Variants in CARMIL3 observed in about 807,000 individuals in gnomAD.
The protein encoded by CARMIL3 is capping protein, Arp2/3 and myosin-I linker protein 3.
Under a neutral mutation model 180.8 loss-of-function variants are expected in CARMIL3, and 88 were observed. That is an observed-to-expected ratio of 0.49 (90% CI 0.41 to 0.58). The LOEUF is 0.58. Among genes scored for constraint, CARMIL3 ranks in the 20% least tolerant of loss-of-function variants. CARMIL3 has a pLI of 0.00. For missense variants in CARMIL3, 1,548 were observed against 1,787.0 expected, an observed-to-expected ratio of 0.87 and a Z score of 2.41; for synonymous variants, 696 against 714.5, an observed-to-expected ratio of 0.97 and a Z score of 0.41.
At chr14:24,062,893 C>T in intron 29 of CARMIL3, 47 bp downstream of exon 29, 2 of 1,572,026 alleles carry the variant, frequency 1.3e-6, no homozygotes, top group Non-Finnish European at 1.7e-6. Flanking sequence ...GGGCCCTGCC[C>T]TTAAACCTGC....
At chr14:24,062,175 A>G (rs1309794801) in intron 27 of CARMIL3, 7 of 481,672 alleles carry the variant, frequency 1.5e-5, no homozygotes, top group East Asian at 1.1e-4. Context: ...CAGCACCCCA[A>G]TTACCTAGCT....
At chr14:24,053,357 A>G (rs931119103) in intron 1 of CARMIL3, among the ~76,000 whole-genome samples, 10 of 152,018 alleles carry the variant, frequency 6.6e-5, no homozygotes, top group African/African-American at 2.4e-4. Context: ...CTCACTTTGT[A>G]TGTGTCAATG....
At position 24,055,784 on chromosome 14, in the gene CARMIL3, T is replaced by G; in HGVS notation, c.765T>G (p.Leu255=). 6.2e-7 allele frequency: 1 copy of G among 1,613,996 alleles called. No individual in the cohort carries two copies. The highest frequency in any genetic ancestry group is 8.5e-7 in the Non-Finnish European group (1 of 1,179,912). ...AGCTGGTGCTGGACAACGCCGGGCT[T>G]AAGACGTGAGGCCAGTCTCCTCCTT... is the stretch of plus-strand genomic sequence containing the variant. The part of the protein sequence containing the change: ...LEELVLDNAG[L]KTDFVQKLAG... The change falls in exon 10 of 40, where the codon CTT becomes CTG. Residue 255 remains leucine (L), a synonymous_variant. Coordinates refer to ENST00000342740, the MANE Select transcript of CARMIL3 (RefSeq NM_138360.4).
At chr14:24,056,547 C>T in intron 11 of CARMIL3, 75 bp from the exon 12 acceptor site, 1 of 1,532,898 alleles carries the variant, frequency 6.5e-7, no homozygotes, top group Non-Finnish European at 9.0e-7. Context: ...CTACTCGAGC[C>T]CCCAACCTGA....
intron 36 of CARMIL3, among the ~76,000 whole-genome samples, chr14:24,066,883 AAACAGGAGCG>A (rs2138801102): frequency 1.3e-5 from 2 of 152,382 alleles, no homozygotes; most frequent in Admixed American, 1.3e-4. Context: ...CAGTGTTGGC[AAACAGGAGCG>A]ATGCTTTGTG....
At position 24,061,413 on chromosome 14, in the gene CARMIL3, G is replaced by T. The variant is rs925601356; in HGVS notation, c.2305-84G>T. 7 of 1,400,526 alleles carry T rather than the reference G, an allele frequency of 5.0e-6. No homozygotes were observed. Among genetic ancestry groups the T allele is most frequent in the Non-Finnish European group, 6.8e-6 (7 of 1,027,388 alleles). 86.8% of individuals were successfully genotyped at this position (1,400,526 alleles called of 1,614,324 possible). A position where few individuals can be genotyped will look rare whatever the true frequency, so the allele number is the denominator to read the frequency against. ...TCCCTCAGTCTCAGCAGGAGGGGCT[G>T]GAATAGATAAAGTCTCTTCTGCTGT... On this transcript the variant is annotated intron_variant, in intron 26 of 39. Coordinates refer to ENST00000342740, the MANE Select transcript of CARMIL3 (RefSeq NM_138360.4). This position sits in a 1 kb window ranked among gnomAD's most constrained non-coding sequence, Gnocchi z 4.1.
Position 24,056,830 on chromosome 14 carries a change from A to G in CARMIL3, c.953-85A>G, listed in dbSNP as rs990014578. On this transcript the variant is annotated intron_variant, in intron 12 of 39. Coordinates refer to ENST00000342740, the MANE Select transcript of CARMIL3 (RefSeq NM_138360.4). ...AGGGATGGAAGAGTGAAAAGGAGCC[A>G]CGTTTGGGGAGAGGGGAAGAGTTAT... is the stretch of plus-strand genomic sequence containing the variant. 6 of 1,537,374 alleles carry G rather than the reference A, an allele frequency of 3.9e-6. No individual in the cohort carries two copies. The African/African-American group carries it at 8.2e-5, about 21-fold the overall frequency.
rs1333538625 is a variant in CARMIL3 at position 24,055,114 on chromosome 14, A to T, written c.509A>T (p.His170Leu). The stretch of plus-strand genomic sequence containing the variant: ...GCTCTGTGTGACTACAATGGGCTAC[A>T]CTGCCGTGAGGAGGTTCAATGGGTA... ...YAALCDYNGL[H>L]CREEVQWDVD... Residue 170 changes from histidine (H) to leucine (L), a missense_variant, in exon 7 of 40, where the codon CAC becomes CTC. Physicochemically the swap from His to Leu is moderately conservative, Grantham distance 99 (BLOSUM62 -3). Around this residue, in one of 4 missense-constraint regions of CARMIL3, gnomAD observed 578 missense variants for 666.5 expected, o/e 0.87. Transcript: ENST00000342740. 6.2e-7 allele frequency: 1 copy of T among 1,613,842 alleles called. No individual in the cohort carries two copies. Among genetic ancestry groups the T allele is most frequent in the African/African-American group, 1.3e-5 (1 of 74,922 alleles).
At chr14:24,055,856 G>A (rs761620320) in intron 10 of CARMIL3, 67 bp downstream of exon 10, 42 of 1,424,710 alleles carry the variant, frequency 2.9e-5, no homozygotes, top group Non-Finnish European at 3.7e-5. Context: ...CAGAACCTCA[G>A]AGCATGATGC....
intron 1 of CARMIL3, among the ~76,000 whole-genome samples, chr14:24,052,899 G>A (rs567938096): frequency 6.6e-6 from 1 of 152,314 alleles, no homozygotes; most frequent in South Asian, 2.1e-4. Flanking sequence ...CTGACCCCCA[G>A]AGACGGGAGC....
Position 24,053,822 on chromosome 14 carries a change from TG to T in CARMIL3, c.135+23del, listed in dbSNP as rs748600400. 1.3e-6 allele frequency: 2 copies of T among 1,598,326 alleles called. No individual in the cohort carries two copies. The highest frequency in any genetic ancestry group is 1.7e-6 in the Non-Finnish European group (2 of 1,170,542). On this transcript the variant is annotated intron_variant, in intron 2 of 39. Coordinates refer to ENST00000342740, the MANE Select transcript of CARMIL3 (RefSeq NM_138360.4). ...AGTGCTGGTGAGGGCACTGGGCATG[TG>T]GGGAGGGAGGAGGTGGCTGGCAAGG...
chr14:24,054,393 C>G lies in CARMIL3; in HGVS notation c.247-3C>G. ...TGAGGCTCTGACGCTTCGTCTCCCC[C>G]AGATCCTGGTGGAGACGGAGCGTGG... On this transcript the variant is annotated splice_polypyrimidine_tract_variant and splice_region_variant and intron_variant, in intron 4 of 39. Coordinates refer to ENST00000342740, the MANE Select transcript of CARMIL3 (RefSeq NM_138360.4). This position sits in a 1 kb window ranked among gnomAD's most constrained non-coding sequence, Gnocchi z 5.1. The G allele has an allele frequency of 6.2e-7, 1 of 1,614,168 alleles. No homozygotes were observed. Among genetic ancestry groups the G allele is most frequent in the Non-Finnish European group, 8.5e-7 (1 of 1,180,012 alleles).
intron 14 of CARMIL3, 130 bp downstream of exon 14, chr14:24,057,374 G>GT: frequency 1.3e-6 from 1 of 792,292 alleles, no homozygotes; most frequent in Non-Finnish European, 2.1e-6. Context: ...TTCAGCTGAA[G>GT]TATAAAGCAA....
intron 24 of CARMIL3, 134 bp from the exon 25 acceptor site, chr14:24,060,493 CA>C (rs1208465211): frequency 1.2e-5 from 16 of 1,346,544 alleles, no homozygotes; most frequent in Non-Finnish European, 1.5e-5. Flanking sequence ...AAGGCTGTAG[CA>C]ATGGGGACCA....
In CARMIL3 at chr14:24,059,670, C is replaced by T. The variant is rs1206648551; in HGVS notation, c.1806C>T (p.Ile602=). 6.2e-7 allele frequency: 1 copy of T among 1,614,028 alleles called. No individual in the cohort carries two copies. Among genetic ancestry groups the T allele is most frequent in the Admixed American group, 1.7e-5 (1 of 60,016 alleles). ...GTGCTTACCCTCCCCCCAGAACTAT[C>T]CTATGGGATCGGAACAATACATCTG... The part of the protein sequence containing the change: ...ALQINSSLRT[I]LWDRNNTSAL... The change falls in exon 22 of 40, where the codon ATC becomes ATT. Residue 602 remains isoleucine, a synonymous_variant. Transcript: ENST00000342740. The surrounding 1 kb of genome is among the most constrained non-coding windows in gnomAD (Gnocchi z 6.3).
intron 1 of CARMIL3, 21 bp from the exon 2 acceptor site, chr14:24,053,688 C>A (rs760065287): frequency 5.0e-6 from 8 of 1,585,760 alleles, no homozygotes; most frequent in Non-Finnish European, 6.0e-6. Flanking sequence ...AAGCTCTGAG[C>A]AGGCTCCCAC....
intron 32 of CARMIL3, among the ~76,000 whole-genome samples, 179 bp from the exon 33 acceptor site, chr14:24,064,779 G>A (rs978215125): frequency 1.3e-5 from 2 of 152,182 alleles, no homozygotes; most frequent in South Asian, 4.1e-4. Flanking sequence ...CAGTCTGCGG[G>A]AAAGGCTGCT....
At chr14:24,053,968 C>T in intron 2 of CARMIL3, 120 bp from the exon 3 acceptor site, 2 of 1,266,754 alleles carry the variant, frequency 1.6e-6, no homozygotes, top group South Asian at 1.4e-5. Context: ...GTCCAGAAGT[C>T]TAGGGTAGGG....
At chr14:24,063,273 C>G (rs2035751029) in intron 30 of CARMIL3, 52 bp from the exon 31 acceptor site, 6 of 1,590,858 alleles carry the variant, frequency 3.8e-6, no homozygotes, top group Admixed American at 1.7e-5. Context: ...TCTCCCCATC[C>G]TGCTTTCTCC....
Sources: gnomAD v4.1 joint callset for allele counts (sites outside exome capture counted in the v4.1 genomes callset) on GRCh38, gnomAD v4.1.1 for gene constraint, gnomAD v4.1.1 regional missense constraint, Gnocchi (gnomAD v3.1) non-coding constraint, MANE v1.5 for transcripts, NCBI Gene and HGNC (gene_info 2026-07-23, HGNC 2026-07-21) for gene names.